Variants in SPOCK1 observed in about 807,000 individuals in gnomAD.
SPOCK1 encodes SPARC (osteonectin), cwcv and kazal like domains proteoglycan 1.
In SPOCK1, 23 loss-of-function variants were observed where a neutral mutation model predicts 55.3. The ratio of observed to expected loss-of-function variants is 0.42; its 90% CI spans 0.30 to 0.59. The LOEUF (loss-of-function observed/expected upper bound fraction) is 0.59, where lower values mean the gene tolerates loss of function less well. SPOCK1 is among the 20% of genes least tolerant of loss of function. The probability of loss-of-function intolerance (pLI) is 0.22; values close to 1 mark genes in which losing one functional copy is unlikely to be tolerated. For missense variants in SPOCK1, 499 were observed against 552.5 expected, an observed-to-expected ratio of 0.90 and a Z score of 0.97; for synonymous variants, 226 against 221.0, an observed-to-expected ratio of 1.02 and a Z score of -0.20.
chr5:137,435,275 C>G (rs937806698), intron 2 of SPOCK1, among the ~76,000 whole-genome samples: 2 of 152,178 alleles, frequency 1.3e-5, no homozygotes, highest in African/African-American at 2.4e-5. Context: ...TAAGAGAATT[C>G]TCAAAAATAA....
At chr5:137,269,706 G>A (rs1467208830) in intron 2 of SPOCK1, among the ~76,000 whole-genome samples, 1 of 152,134 alleles carries the variant, frequency 6.6e-6, no homozygotes, top group East Asian at 1.9e-4. Context: ...CTCAAGTGGA[G>A]AAAGCCAAAG....
chr5:136,978,981 G>A lies in SPOCK1; in HGVS notation c.1130-137C>T, dbSNP rs1750672344. On this transcript the variant is annotated intron_variant, in intron 10 of 10. Coordinates refer to ENST00000394945, the MANE Select transcript of SPOCK1 (RefSeq NM_004598.4). ...AACAGAAACATCCCTGCCCCACTGA[G>A]GTGAGTCTTCAGGGCATACATTACA... 8 of 943,074 alleles carry A rather than the reference G, an allele frequency of 8.5e-6. No individual in the cohort carries two copies. The South Asian group carries it at 1.1e-4, about 13-fold the overall frequency. The allele number at this position is 943,074 out of a possible 1,614,324, so 58.4% of individuals were successfully genotyped here. A position where few individuals can be genotyped will look rare whatever the true frequency, so the allele number is the denominator to read the frequency against.
chr5:137,282,860 T>C (rs1214075025), intron 2 of SPOCK1, among the ~76,000 whole-genome samples: 1 of 152,178 alleles, frequency 6.6e-6, no homozygotes, highest in Non-Finnish European at 1.5e-5. Context: ...CTCTCTGAAG[T>C]GGGGCTCTGA....
At chr5:137,264,739 G>A (rs2127114953) in intron 3 of SPOCK1, among the ~76,000 whole-genome samples, 1 of 152,186 alleles carries the variant, frequency 6.6e-6, no homozygotes, top group East Asian at 1.9e-4. Context: ...CATCTTCCAT[G>A]CCTGTGGTTT....
At chr5:137,161,030 T>TA (rs1754545799) in intron 3 of SPOCK1, among the ~76,000 whole-genome samples, 1 of 143,392 alleles carries the variant, frequency 7.0e-6, no homozygotes, top group African/African-American at 2.6e-5. Context: ...ATATATATAT[T>TA]ACATATATTT....
intron 2 of SPOCK1, among the ~76,000 whole-genome samples, chr5:137,465,342 A>T (rs1419826184): frequency 2.0e-5 from 3 of 152,184 alleles, no homozygotes; most frequent in African/African-American, 4.8e-5. Context: ...AAAAAATTAA[A>T]ATCATGACAG....
chr5:137,240,877 A>C (rs1756267302), intron 3 of SPOCK1, among the ~76,000 whole-genome samples: 1 of 152,232 alleles, frequency 6.6e-6, no homozygotes, highest in Non-Finnish European at 1.5e-5. Flanking sequence ...AGACAAACAA[A>C]TAGATCTAAA....
chr5:137,069,896 G>A (rs981043681), intron 5 of SPOCK1, among the ~76,000 whole-genome samples: 1 of 152,270 alleles, frequency 6.6e-6, no homozygotes, highest in African/African-American at 2.4e-5. Flanking sequence ...TGCTATTGCT[G>A]TTACTGCCCG....
chr5:137,245,135 A>G (rs1012435370), intron 3 of SPOCK1, among the ~76,000 whole-genome samples: 3 of 152,226 alleles, frequency 2.0e-5, no homozygotes, highest in African/African-American at 7.2e-5. Context: ...ATTAGTGAAC[A>G]TGACCACGTG....
chr5:137,411,999 A>G (rs935912145), intron 2 of SPOCK1, among the ~76,000 whole-genome samples: 1 of 152,192 alleles, frequency 6.6e-6, no homozygotes, highest in African/African-American at 2.4e-5. Context: ...ATGAGGGGAG[A>G]GAGACACTCT....
intron 3 of SPOCK1, among the ~76,000 whole-genome samples, chr5:137,195,412 G>A (rs1755279085): frequency 6.6e-6 from 1 of 152,230 alleles, no homozygotes; most frequent in African/African-American, 2.4e-5. Context: ...TAGGGCTGTG[G>A]TTTTGCTTAA....
chr5:137,238,953 G>T (rs1756233880), intron 3 of SPOCK1, among the ~76,000 whole-genome samples: 1 of 152,190 alleles, frequency 6.6e-6, no homozygotes, highest in African/African-American at 2.4e-5. Context: ...CCCTTAGAAT[G>T]TGAGTGATAC....
chr5:137,182,595 C>T (rs941683031), intron 3 of SPOCK1, among the ~76,000 whole-genome samples: 2 of 152,146 alleles, frequency 1.3e-5, no homozygotes, highest in African/African-American at 4.8e-5. Context: ...GAGCCCTTGT[C>T]TGAGTGACCT....
At chr5:137,075,394 G>A (rs375178213) in intron 5 of SPOCK1, among the ~76,000 whole-genome samples, 78 of 152,262 alleles carry the variant, frequency 5.1e-4, no homozygotes, top group African/African-American at 1.8e-3. Context: ...TCGGGGCAGG[G>A]ACTGGATCCT....
intron 2 of SPOCK1, among the ~76,000 whole-genome samples, chr5:137,363,379 C>T (rs1561515817): frequency 6.6e-6 from 1 of 152,224 alleles, no homozygotes. Context: ...TATTGGCTTA[C>T]ACATCCATAA....
intron 2 of SPOCK1, among the ~76,000 whole-genome samples, chr5:137,423,568 T>G (rs1226653740): frequency 6.6e-6 from 1 of 152,212 alleles, no homozygotes; most frequent in Non-Finnish European, 1.5e-5. Context: ...TCCATGGCAA[T>G]GGACCCTCTG....
At chr5:137,415,889 T>C (rs1752317451) in intron 2 of SPOCK1, among the ~76,000 whole-genome samples, 1 of 152,086 alleles carries the variant, frequency 6.6e-6, no homozygotes, top group Non-Finnish European at 1.5e-5. Context: ...AAAGCTCAAG[T>C]CACCTTGTTA....
At chr5:137,405,837 T>C (rs376617972) in intron 2 of SPOCK1, among the ~76,000 whole-genome samples, 4 of 152,318 alleles carry the variant, frequency 2.6e-5, no homozygotes, top group African/African-American at 9.6e-5. Flanking sequence ...ACAGTACATC[T>C]TCGCCACACC....
intron 3 of SPOCK1, among the ~76,000 whole-genome samples, chr5:137,174,927 C>T (rs1433816081): frequency 1.3e-5 from 2 of 152,138 alleles, no homozygotes; most frequent in Non-Finnish European, 2.9e-5. Flanking sequence ...TAAAACCTTG[C>T]TAGAGGCCAA....
Sources: allele counts gnomAD v4.1 joint callset (sites outside exome capture counted in the v4.1 genomes callset), GRCh38; gene constraint gnomAD v4.1.1; transcripts MANE v1.5; gene names NCBI Gene and HGNC (gene_info 2026-07-23, HGNC 2026-07-21).